The following CEP135 variants were observed in gnomAD, a reference collection of about 807,000 sequenced individuals.
CEP135 encodes centrosomal protein 135.
Under a neutral mutation model 157.3 loss-of-function variants are expected in CEP135, and 142 were observed. That is an observed-to-expected ratio of 0.90 (90% CI 0.79 to 1.04). The LOEUF is 1.04. CEP135 is among the 50% of genes least tolerant of loss of function. The pLI, the probability that CEP135 is intolerant of heterozygous loss-of-function variation, is 0.00. For missense variants in CEP135, 1,317 were observed against 1,309.2 expected (o/e 1.01, Z -0.09); for synonymous variants, 396 against 439.8 (o/e 0.90, Z 1.25).
chr4:55,987,971 A>T lies in CEP135; in HGVS notation c.1857+2613A>T, dbSNP rs775935684. ...CAAAATGAATTCCAAAAGCATGACA[A>T]ATCCCAAGCAAGATAAATAAAAAGA... is the stretch of plus-strand genomic sequence containing the variant. On this transcript the variant is annotated intron_variant, in intron 14 of 25. Coordinates refer to ENST00000257287, the MANE Select transcript of CEP135 (RefSeq NM_025009.5). Among the ~76,000 whole-genome samples, 32 of 152,146 alleles carry T rather than the reference A, an allele frequency of 2.1e-4. 1 individual carries two copies. The highest frequency in any genetic ancestry group is 5.9e-5 in the Non-Finnish European group (4 of 68,032).
intron 25 of CEP135, among the ~76,000 whole-genome samples, chr4:56,027,023 T>G (rs1039616478): frequency 6.6e-6 from 1 of 152,202 alleles, no homozygotes; most frequent in Non-Finnish European, 1.5e-5. Context: ...CCCTCAAGTT[T>G]GTAGGGCCTT....
Position 56,020,667 on chromosome 4 carries a change from G to T in CEP135, c.3216-9G>T, listed in dbSNP as rs777419798. 1 of 1,609,662 alleles carries T rather than the reference G, an allele frequency of 6.2e-7. No homozygotes were observed. The highest frequency in any genetic ancestry group is 1.3e-5 in the African/African-American group (1 of 74,874). ...CGTTTATTTCTTGATTTTTTAATTT[G>T]TTTTTAAGAACTAGTCAAAGCCGGG... On this transcript the variant is annotated splice_polypyrimidine_tract_variant and intron_variant, in intron 23 of 25. Transcript: ENST00000257287.
chr4:55,952,874 A>G (rs565974224), intron 2 of CEP135, among the ~76,000 whole-genome samples: 2 of 152,294 alleles, frequency 1.3e-5, no homozygotes, highest in African/African-American at 4.8e-5. Flanking sequence ...ACAGTGTTAC[A>G]ATGGCCAGAT....
intron 17 of CEP135, among the ~76,000 whole-genome samples, chr4:56,005,074 C>A (rs971341413): frequency 6.6e-6 from 1 of 151,814 alleles, no homozygotes; most frequent in Non-Finnish European, 1.5e-5. Flanking sequence ...ACTGTGGTTA[C>A]CATGAAGCTT....
chr4:56,013,176 G>T (rs893146343), intron 21 of CEP135, among the ~76,000 whole-genome samples: 1 of 152,050 alleles, frequency 6.6e-6, no homozygotes, highest in Non-Finnish European at 1.5e-5. Flanking sequence ...GTTTATTGAC[G>T]ATTTGTGTAT....
rs752652046 is a variant in CEP135 at position 56,009,829 on chromosome 4, A to G, written c.2431A>G (p.Arg811Gly). 4.3e-6 allele frequency: 7 copies of G among 1,614,138 alleles called. No individual in the cohort carries two copies. In the South Asian group the frequency reaches 4.4e-5, roughly 10 times the overall value. Reference protein sequence around the residue: ...AAHKELDEVGRSREIAFKENR... With the variant: ...AAHKELDEVGGSREIAFKENR... ...TCACAAAGAACTCGATGAAGTAGGAAGATCTAGAGAAATCGCTTTTAAGGA... is the reference window on the plus strand; with the variant it reads ...TCACAAAGAACTCGATGAAGTAGGAGGATCTAGAGAAATCGCTTTTAAGGA... The change falls in exon 19 of 26, where the codon AGA (arginine) becomes GGA (glycine). Residue 811 changes from arginine to glycine, a missense_variant. By Grantham distance (125) the Arg-to-Gly change is moderately radical. Coordinates refer to ENST00000257287, the MANE Select transcript of CEP135 (RefSeq NM_025009.5).
At chr4:56,011,380 T>C in intron 19 of CEP135, 32 bp from the exon 20 acceptor site, 1 of 1,408,410 alleles carries the variant, frequency 7.1e-7, no homozygotes, top group Non-Finnish European at 9.9e-7. Context: ...GTTGTGTTCA[T>C]TTTAGATTGT....
chr4:55,957,110 T>C (rs1390281858), intron 4 of CEP135, 113 bp from the exon 5 acceptor site: 4 of 1,046,230 alleles, frequency 3.8e-6, no homozygotes, highest in Admixed American at 2.4e-5. Flanking sequence ...ATTTTGTCAA[T>C]ATGTATTATG....
chr4:55,962,711 T>C (rs550211369), intron 6 of CEP135, among the ~76,000 whole-genome samples: 1 of 149,836 alleles, frequency 6.7e-6, no homozygotes, highest in South Asian at 2.1e-4. Flanking sequence ...TTTTTTCCAG[T>C]TTTCTTTTTT....
chr4:56,028,917 A>T (rs1244385949), intron 25 of CEP135, among the ~76,000 whole-genome samples: 1 of 152,052 alleles, frequency 6.6e-6, no homozygotes, highest in Non-Finnish European at 1.5e-5. Flanking sequence ...CAATCCCACA[A>T]ATCCCTTCCC....
chr4:55,951,778 T>G (rs776599665), intron 1 of CEP135, among the ~76,000 whole-genome samples: 1 of 152,232 alleles, frequency 6.6e-6, no homozygotes, highest in Non-Finnish European at 1.5e-5. Flanking sequence ...TTATCTTTTA[T>G]GTTTAGTGCT....
intron 11 of CEP135, among the ~76,000 whole-genome samples, chr4:55,978,664 C>T (rs1241669363): frequency 6.6e-6 from 1 of 152,204 alleles, no homozygotes; most frequent in Non-Finnish European, 1.5e-5. Flanking sequence ...AATCCTCTTC[C>T]CTCAGCCTCC....
At chr4:56,019,019 T>C (rs1730877978) in intron 22 of CEP135, among the ~76,000 whole-genome samples, 1 of 152,180 alleles carries the variant, frequency 6.6e-6, no homozygotes, top group Non-Finnish European at 1.5e-5. Context: ...CTTGATTATG[T>C]AGTCAGAGTA....
intron 3 of CEP135, among the ~76,000 whole-genome samples, chr4:55,953,773 G>A (rs971272958): frequency 1.3e-5 from 2 of 152,068 alleles, no homozygotes; most frequent in Non-Finnish European, 2.9e-5. Context: ...AGTAAATAAG[G>A]TGAAAACCAT....
intron 19 of CEP135, among the ~76,000 whole-genome samples, chr4:56,010,240 G>A (rs1047848768): frequency 3.4e-5 from 5 of 144,970 alleles, no homozygotes; most frequent in African/African-American, 5.1e-5. Context: ...GCATGCGCCT[G>A]TAATCCCAGC....
chr4:56,012,398 A>G (rs1455837057), intron 21 of CEP135, among the ~76,000 whole-genome samples: 2 of 152,236 alleles, frequency 1.3e-5, no homozygotes, highest in African/African-American at 4.8e-5. Context: ...CATTGATAAA[A>G]TCAAGTTCAG....
chr4:56,029,566 A>C (rs557597183), intron 25 of CEP135, among the ~76,000 whole-genome samples: 1 of 152,228 alleles, frequency 6.6e-6, no homozygotes, highest in Non-Finnish European at 1.5e-5. Flanking sequence ...ATGTTCTGAG[A>C]AATTTGTTTT....
intron 17 of CEP135, among the ~76,000 whole-genome samples, chr4:56,006,654 C>T (rs1386044978): frequency 2.0e-5 from 3 of 152,130 alleles, no homozygotes; most frequent in African/African-American, 7.2e-5. Context: ...TGATACATTT[C>T]TGAATTTTCT....
At chr4:56,008,463 CA>C (rs1730438613) in intron 18 of CEP135, 81 bp downstream of exon 18, 2 of 1,079,714 alleles carry the variant, frequency 1.9e-6, no homozygotes, top group Non-Finnish European at 2.7e-6. Context: ...AGCATTGCAG[CA>C]ATAGAAGAAT....
Sources: gnomAD v4.1 joint callset for allele counts (sites outside exome capture counted in the v4.1 genomes callset) on GRCh38, gnomAD v4.1.1 for gene constraint, MANE v1.5 for transcripts, NCBI Gene and HGNC (gene_info 2026-07-23, HGNC 2026-07-21) for gene names.